The following DST variants were observed in gnomAD, a reference collection of about 807,000 sequenced individuals.
The protein encoded by DST is bullous pemphigoid antigen.
DST carries 253 observed loss-of-function variants against 875.2 expected under a neutral mutation model. That is an observed-to-expected ratio of 0.29 (90% CI 0.26 to 0.32). The LOEUF (loss-of-function observed/expected upper bound fraction) is 0.32, where lower values mean the gene tolerates loss of function less well. Ranked by LOEUF, DST falls within the 10% of genes least tolerant of loss-of-function variation. DST has a pLI of 1.00. For missense variants in DST, 8,287 were observed against 9,111.6 expected (o/e 0.91, Z 3.68); for synonymous variants, 3,124 against 3,197.1 (o/e 0.98, Z 0.77).
chr6:56,693,242 C>CT, intron 9 of DST: 2 of 1,202,662 alleles, frequency 1.7e-6, no homozygotes, highest in South Asian at 1.6e-5. Context: ...AAATTCCACT[C>CT]TGACATCTGT....
At chr6:56,769,995 A>T (rs1480544925) in intron 4 of DST, among the ~76,000 whole-genome samples, 1 of 152,216 alleles carries the variant, frequency 6.6e-6, no homozygotes, top group Non-Finnish European at 1.5e-5. Context: ...ATACAGTTAC[A>T]TCAAAATTTT....
In DST at chr6:56,601,628, C is replaced by G. The variant is rs2098446913; in HGVS notation, c.11356G>C (p.Ala3786Pro). Residue 3786 changes from alanine to proline, a missense_variant, in exon 44 of 104, where the codon GCC (alanine) becomes CCC (proline). Coordinates refer to ENST00000680361, the MANE Select transcript of DST (RefSeq NM_001374736.1). ...GAAATGAAGAACTGCACATCAAAGG[C>G]AGTAGTCTCCAGCTGCATTTTGGTA... is the stretch of plus-strand genomic sequence containing the variant. ...GHTKMQLETT[A>P]FDVQFFISEY... 1 of 1,594,278 alleles carries G rather than the reference C, an allele frequency of 6.3e-7. No individual in the cohort carries two copies. The highest frequency in any genetic ancestry group is 1.3e-5 in the African/African-American group (1 of 74,586).
At chr6:56,749,328 T>C (rs963251637) in intron 4 of DST, among the ~76,000 whole-genome samples, 6 of 152,120 alleles carry the variant, frequency 3.9e-5, no homozygotes, top group African/African-American at 1.4e-4. Flanking sequence ...CACTCCAGCC[T>C]GGGTGACAGA....
intron 4 of DST, among the ~76,000 whole-genome samples, chr6:56,837,923 GA>G (rs112829003): frequency 0.044 from 6,419 of 144,908 alleles, 585 homozygotes; most frequent in African/African-American, 0.15. Context: ...AGGACAAGCA[GA>G]AAAAAAAAAT....
In DST at chr6:56,568,548, T is replaced by C; in HGVS notation, c.13926A>G (p.Val4642=). ...TACATAGTGAGATCCCACTGTTGTT[T>C]ACTTTCTGAATCTCTGGTGTTTTTA... ...WSLKTPEIQK[V]NNSGISLCNL... is the part of the protein sequence containing the mutation. The change falls in exon 55 of 104, where the codon GTA becomes GTG. Residue 4642 remains valine (V), a synonymous_variant. Coordinates refer to ENST00000680361, the MANE Select transcript of DST (RefSeq NM_001374736.1). 2 of 1,612,702 alleles carry C rather than the reference T, an allele frequency of 1.2e-6. No individual in the cohort carries two copies. The highest frequency in any genetic ancestry group is 1.7e-4 in the Middle Eastern group (1 of 5,970).
At chr6:56,875,371 A>G (rs1270645297) in intron 3 of DST, among the ~76,000 whole-genome samples, 1 of 152,212 alleles carries the variant, frequency 6.6e-6, no homozygotes, top group Non-Finnish European at 1.5e-5. Context: ...GACACATTCA[A>G]TACATTTTCC....
chr6:56,897,433 C>T (rs1383664051), intron 3 of DST, among the ~76,000 whole-genome samples: 1 of 152,022 alleles, frequency 6.6e-6, no homozygotes, highest in African/African-American at 2.4e-5. Flanking sequence ...CTGGTTCAAG[C>T]GATTATCCTG....
At chr6:56,899,728 G>A (rs1793132481) in intron 3 of DST, among the ~76,000 whole-genome samples, 1 of 152,184 alleles carries the variant, frequency 6.6e-6, no homozygotes, top group South Asian at 2.1e-4. Flanking sequence ...AAAAGCCCAT[G>A]AGCCAGAACC....
rs1449606801 is a variant in DST at position 56,517,728 on chromosome 6, G to A, written c.18130-108C>T. ...CTTATTACACAAGTGGAAAATCCGAGCTTGTCTCCTCATGGCATCCTAAAA... is the reference window on the plus strand; with the variant it reads ...CTTATTACACAAGTGGAAAATCCGAACTTGTCTCCTCATGGCATCCTAAAA... On this transcript the variant is annotated intron_variant, in intron 69 of 103. Coordinates refer to ENST00000680361, the MANE Select transcript of DST (RefSeq NM_001374736.1). 5 of 1,313,916 alleles carry A rather than the reference G, an allele frequency of 3.8e-6. No individual in the cohort carries two copies. In the African/African-American group the frequency reaches 6.0e-5, roughly 16 times the overall value. 81.4% of individuals were successfully genotyped at this position (1,313,916 alleles called of 1,614,324 possible).
chr6:56,521,209 G>C (rs2096692839), intron 69 of DST, among the ~76,000 whole-genome samples: 1 of 151,890 alleles, frequency 6.6e-6, no homozygotes, highest in Non-Finnish European at 1.5e-5. Context: ...TAAAGCTACA[G>C]GTAAAAATTG....
intron 85 of DST, among the ~76,000 whole-genome samples, chr6:56,490,632 A>C (rs2152436906): frequency 6.6e-6 from 1 of 152,306 alleles, no homozygotes; most frequent in East Asian, 1.9e-4. Context: ...ACTAGAATAG[A>C]CACATGAATT....
chr6:56,876,029 T>C (rs1779492872), intron 3 of DST, among the ~76,000 whole-genome samples: 2 of 152,144 alleles, frequency 1.3e-5, no homozygotes. Flanking sequence ...GTTAAGTGCC[T>C]GCTCTCTATA....
chr6:56,865,293 G>GTC (rs1562223205), intron 3 of DST, among the ~76,000 whole-genome samples: 1 of 149,840 alleles, frequency 6.7e-6, no homozygotes, highest in Non-Finnish European at 1.5e-5. Context: ...GTGTGTGTGT[G>GTC]TGTCTGTATG....
intron 10 of DST, among the ~76,000 whole-genome samples, chr6:56,653,503 G>A (rs909933708): frequency 3.9e-5 from 6 of 152,034 alleles, no homozygotes; most frequent in African/African-American, 7.2e-5. Flanking sequence ...TGACCAACAT[G>A]GCGAAACCCT....
intron 10 of DST, among the ~76,000 whole-genome samples, chr6:56,655,160 C>CAAAA (rs11365303): frequency 3.3e-4 from 19 of 57,340 alleles, no homozygotes; most frequent in African/African-American, 7.8e-4. Flanking sequence ...GACTTTGCCT[C>CAAAA]AAAAAAAAAA....
At chr6:56,563,704 T>C (rs2097584949) in intron 55 of DST, among the ~76,000 whole-genome samples, 1 of 152,250 alleles carries the variant, frequency 6.6e-6, no homozygotes. Context: ...AGGATTTTTA[T>C]GGTTTTAGGC....
At chr6:56,647,406 G>A (rs769132794) in intron 13 of DST, among the ~76,000 whole-genome samples, 12 of 152,262 alleles carry the variant, frequency 7.9e-5, no homozygotes, top group East Asian at 5.8e-4. Flanking sequence ...CAAACTCCCC[G>A]TGGCAATGAG....
intron 8 of DST, among the ~76,000 whole-genome samples, chr6:56,700,099 T>G (rs533652774): frequency 6.6e-6 from 1 of 152,316 alleles, no homozygotes; most frequent in South Asian, 2.1e-4. Context: ...GCCACTGCAT[T>G]AGATTCCTAT....
At chr6:56,887,032 ATTAGAC>A (rs1431701236) in intron 3 of DST, among the ~76,000 whole-genome samples, 2 of 152,212 alleles carry the variant, frequency 1.3e-5, no homozygotes, top group Admixed American at 6.5e-5. Flanking sequence ...AAAATTAAGA[ATTAGAC>A]TTAGGAGAAA....
Sources: allele counts gnomAD v4.1 joint callset (sites outside exome capture counted in the v4.1 genomes callset), GRCh38; gene constraint gnomAD v4.1.1; transcripts MANE v1.5; gene names NCBI Gene and HGNC (gene_info 2026-07-23, HGNC 2026-07-21).